MAPK6: variants seen among roughly 807,000 people sequenced by gnomAD.
MAPK6 encodes the protein mitogen-activated protein kinase 6, also known as ERK-3.
Under a neutral mutation model 59.3 loss-of-function variants are expected in MAPK6, and 19 were observed. That is an observed-to-expected ratio of 0.32 (90% confidence interval 0.22 to 0.47). The LOEUF is 0.47. Ranked by LOEUF, MAPK6 falls within the 20% of genes least tolerant of loss-of-function variation. MAPK6 has a pLI of 1.00. For missense variants in MAPK6, 724 were observed against 847.9 expected (o/e 0.85, Z 1.81); for synonymous variants, 316 against 290.3 (o/e 1.09, Z -0.90).
intron 1 of MAPK6, among the ~76,000 whole-genome samples, chr15:52,040,673 C>T (rs1224455499): frequency 6.6e-6 from 1 of 152,182 alleles, no homozygotes. Flanking sequence ...GCTTGACTCC[C>T]AGTACCAGCA....
chr15:51,997,969 A>C (rs1471889993), intron 2 of MAPK6, among the ~76,000 whole-genome samples: 2 of 142,658 alleles, frequency 1.4e-5, no homozygotes, highest in Non-Finnish European at 3.1e-5. Context: ...TTTTGAGACA[A>C]AGTCTCGCTC....
intron 3 of MAPK6, among the ~76,000 whole-genome samples, chr15:52,052,288 G>A (rs1430813645): frequency 4.6e-5 from 7 of 152,292 alleles, no homozygotes; most frequent in African/African-American, 1.7e-4. Flanking sequence ...TCCTCACCAT[G>A]TGGGCTTCTC....
Position 52,046,167 on chromosome 15 carries a change from G to A in MAPK6, c.-294G>A, listed in dbSNP as rs569454546. On this transcript the variant is annotated 5_prime_UTR_variant, in exon 2 of 6. Transcript: ENST00000261845. ...AGTGCACAGTATGTCATTTCATTCC[G>A]TTTGAGTTTCTTGTTTTCGTTAAAT... 19 of 282,136 alleles carry A rather than the reference G, an allele frequency of 6.7e-5. No homozygotes were observed. The highest frequency in any genetic ancestry group is 3.9e-4 in the Admixed American group (8 of 20,542). 17.5% of individuals were successfully genotyped at this position (282,136 alleles called of 1,614,324 possible).
rs570126594 is a variant in MAPK6, at chr15:52,064,148, G to A, written c.1314G>A (p.Leu438=). 2 of 1,613,078 alleles carry A rather than the reference G, an allele frequency of 1.2e-6. No homozygotes were observed. Among genetic ancestry groups the A allele is most frequent in the Admixed American group, 3.3e-5 (2 of 59,954 alleles). Residue 438 remains leucine (L), a synonymous_variant, in exon 6 of 6, where the codon CTG becomes CTA. Coordinates refer to ENST00000261845, the MANE Select transcript of MAPK6 (RefSeq NM_002748.4). The stretch of plus-strand genomic sequence containing the variant: ...ATCATGAAAACAAATATTGTGATCT[G>A]GAGTGTAGCCATACTTGTAACTACA... The part of the protein sequence containing the change: ...SDHHENKYCD[L]ECSHTCNYKT...
At chr15:51,988,255 C>G (rs1402805768) in intron 2 of MAPK6, among the ~76,000 whole-genome samples, 1 of 151,376 alleles carries the variant, frequency 6.6e-6, no homozygotes, top group Non-Finnish European at 1.5e-5. Flanking sequence ...TAGAGATACC[C>G]ACAGAGAAAA....
At chr15:51,976,447 C>T (rs979569605) in intron 1 of MAPK6, among the ~76,000 whole-genome samples, 6 of 151,326 alleles carry the variant, frequency 4.0e-5, no homozygotes, top group Admixed American at 1.3e-4. Context: ...TTGAGCAGAA[C>T]GTAAAACTCA....
chr15:51,977,104 A>G (rs188909965), intron 1 of MAPK6, among the ~76,000 whole-genome samples: 37 of 151,200 alleles, frequency 2.4e-4, no homozygotes, highest in African/African-American at 8.5e-4. Flanking sequence ...CCCAGGTTCT[A>G]CAATTCTCCT....
Position 52,064,605 on chromosome 15 carries a change from T to A in MAPK6, c.1771T>A (p.Ser591Thr). 2 of 1,611,846 alleles carry A rather than the reference T, an allele frequency of 1.2e-6. No homozygotes were observed. Among genetic ancestry groups the A allele is most frequent in the Non-Finnish European group, 1.7e-6 (2 of 1,179,740 alleles). ...GGCTCAATTAGAAGCCTTGTACCAG[T>A]CTTCTTGGGACAGCCAGTTTGTGAG... ...NLAQLEALYQSSWDSQFVSGG... is the reference protein window; with the variant it reads ...NLAQLEALYQTSWDSQFVSGG... Residue 591 changes from serine (S) to threonine (T), a missense_variant, in exon 6 of 6, where the codon TCT becomes ACT. Physicochemically the swap from Ser to Thr is moderately conservative, Grantham distance 58. Transcript: ENST00000261845.
intron 1 of MAPK6, among the ~76,000 whole-genome samples, chr15:52,036,327 G>C (rs540006808): frequency 6.6e-6 from 1 of 152,106 alleles, no homozygotes; most frequent in Non-Finnish European, 1.5e-5. Flanking sequence ...AATATAAGCT[G>C]TCCCTCTTGG....
intron 1 of MAPK6, among the ~76,000 whole-genome samples, chr15:52,030,436 A>G (rs2030983230): frequency 6.6e-6 from 1 of 152,130 alleles, no homozygotes; most frequent in Admixed American, 6.6e-5. Flanking sequence ...GAAAAACTGC[A>G]TAATAATTGC....
intron 1 of MAPK6, among the ~76,000 whole-genome samples, chr15:52,024,911 G>A (rs1356962418): frequency 2.3e-5 from 3 of 127,906 alleles, no homozygotes; most frequent in Non-Finnish European, 4.8e-5. Flanking sequence ...TTAAGAATTG[G>A]AGTCTCACTG....
intron 1 of MAPK6, among the ~76,000 whole-genome samples, chr15:52,020,451 T>C (rs1312915545): frequency 2.6e-5 from 4 of 152,000 alleles, no homozygotes; most frequent in Non-Finnish European, 4.4e-5. Context: ...GCAGTCTCAG[T>C]AATGACTTTT....
intron 1 of MAPK6, among the ~76,000 whole-genome samples, chr15:52,023,106 C>CAAAAAAAAAAAA (rs60315520): frequency 1.4e-5 from 1 of 73,652 alleles, no homozygotes; most frequent in Non-Finnish European, 2.4e-5. Context: ...GACTCCGTCT[C>CAAAAAAAAAAAA]AAAAAAAAAA....
intron 1 of MAPK6, among the ~76,000 whole-genome samples, chr15:52,038,528 G>A (rs2031316397): frequency 6.6e-6 from 1 of 152,192 alleles, no homozygotes; most frequent in African/African-American, 2.4e-5. Flanking sequence ...TTGGCTGACA[G>A]CTACGTTGAA....
At chr15:52,023,682 G>A (rs1319724335) in intron 1 of MAPK6, among the ~76,000 whole-genome samples, 2 of 152,236 alleles carry the variant, frequency 1.3e-5, no homozygotes, top group Non-Finnish European at 2.9e-5. Context: ...CGCCATCTCG[G>A]CTCACTGCAA....
upstream of MAPK6, among the ~76,000 whole-genome samples, chr15:52,016,662 T>TC (rs1461145805): frequency 3.3e-5 from 5 of 151,952 alleles, no homozygotes; most frequent in African/African-American, 1.2e-4. Flanking sequence ...TTCAAAACTC[T>TC]CCCCCTCCTC....
At chr15:52,052,937 T>C (rs2031827529) in intron 3 of MAPK6, among the ~76,000 whole-genome samples, 1 of 152,246 alleles carries the variant, frequency 6.6e-6, no homozygotes, top group Admixed American at 6.5e-5. Context: ...GTGTGGTAAC[T>C]GTTTAACTTT....
At chr15:52,032,008 C>G (rs2031055683) in intron 1 of MAPK6, among the ~76,000 whole-genome samples, 1 of 151,076 alleles carries the variant, frequency 6.6e-6, no homozygotes, top group Non-Finnish European at 1.5e-5. Flanking sequence ...TCATGCCATT[C>G]TTCTGCAGCG....
intron 1 of MAPK6, among the ~76,000 whole-genome samples, chr15:52,030,531 G>A (rs2030986792): frequency 6.6e-6 from 1 of 151,624 alleles, no homozygotes; most frequent in Non-Finnish European, 1.5e-5. Context: ...CTTAAATGGG[G>A]CCTGATTATC....
Sources: gnomAD v4.1 joint callset for allele counts (sites outside exome capture counted in the v4.1 genomes callset) on GRCh38, gnomAD v4.1.1 for gene constraint, MANE v1.5 for transcripts, NCBI Gene and HGNC (gene_info 2026-07-23, HGNC 2026-07-21) for gene names.